The following ICA1L variants were observed in gnomAD, a reference collection of about 807,000 sequenced individuals.
ICA1L encodes islet cell autoantigen 1-like protein.
Under a neutral mutation model 61.3 loss-of-function variants are expected in ICA1L, and 50 were observed. The ratio of observed to expected loss-of-function variants is 0.82; its 90% CI spans 0.65 to 1.03. ICA1L has a LOEUF of 1.03. Ranked by LOEUF, ICA1L falls within the 50% of genes least tolerant of loss-of-function variation. The pLI is 0.00. For synonymous variants in ICA1L, 161 were observed against 191.3 expected (o/e 0.84, Z 1.31); for missense variants, 508 against 556.7 (o/e 0.91, Z 0.88).
chr2:202,838,585 T>C (rs1258092038), intron 1 of ICA1L, among the ~76,000 whole-genome samples: 2 of 152,240 alleles, frequency 1.3e-5, no homozygotes, highest in Non-Finnish European at 2.9e-5. Context: ...TTGCTTTATA[T>C]ATTTAGGAAC....
chr2:202,783,570 G>A (rs573076349), intron 12 of ICA1L, among the ~76,000 whole-genome samples: 2 of 152,262 alleles, frequency 1.3e-5, no homozygotes, highest in South Asian at 4.1e-4. Flanking sequence ...AAATGTCAAG[G>A]TCATGAGACA....
intron 5 of ICA1L, among the ~76,000 whole-genome samples, chr2:202,818,452 G>A (rs1693603999): frequency 6.6e-6 from 1 of 152,176 alleles, no homozygotes; most frequent in South Asian, 2.1e-4. Context: ...CGTGGTTGTG[G>A]AGGGACCAGG....
chr2:202,825,204 C>T (rs1693806933), intron 3 of ICA1L, among the ~76,000 whole-genome samples: 1 of 152,192 alleles, frequency 6.6e-6, no homozygotes, highest in Admixed American at 6.5e-5. Context: ...CATGGTGACT[C>T]ACACCTGTAA....
At chr2:202,863,745 T>C (rs765033681) in intron 1 of ICA1L, among the ~76,000 whole-genome samples, 9 of 148,796 alleles carry the variant, frequency 6.0e-5, no homozygotes, top group Non-Finnish European at 1.0e-4. Flanking sequence ...GAGAATGGCA[T>C]GAACCCGGGA....
In ICA1L at chr2:202,825,903, G is replaced by T. The variant is rs1263645249; in HGVS notation, c.163-136C>A. On this transcript the variant is annotated intron_variant, in intron 2 of 12. Transcript: ENST00000358299. ...CATTATGTCTATTTTTCTTGGCTAT[G>T]ACATGCTTCAGTTTTGGTTTTACTT... 7 of 515,084 alleles carry T rather than the reference G, an allele frequency of 1.4e-5. No individual in the cohort carries two copies. In the East Asian group the frequency reaches 2.1e-4, roughly 15 times the overall value. 31.9% of individuals were successfully genotyped at this position (515,084 alleles called of 1,614,324 possible). A position where few individuals can be genotyped will look rare whatever the true frequency, so the allele number is the denominator to read the frequency against.
chr2:202,798,888 G>A (rs1318576690), intron 9 of ICA1L, among the ~76,000 whole-genome samples: 1 of 152,054 alleles, frequency 6.6e-6, no homozygotes. Flanking sequence ...GTCTTTTTGT[G>A]CCTGGCTTAT....
intron 9 of ICA1L, among the ~76,000 whole-genome samples, chr2:202,799,407 T>C (rs1007841823): frequency 3.3e-5 from 5 of 152,184 alleles, no homozygotes; most frequent in African/African-American, 7.2e-5. Context: ...CTATTGACCA[T>C]TGGTATGTCT....
chr2:202,868,462 A>G (rs1687588690), intron 1 of ICA1L, among the ~76,000 whole-genome samples: 1 of 152,202 alleles, frequency 6.6e-6, no homozygotes, highest in Admixed American at 6.5e-5. Context: ...TAGCAATTCC[A>G]CCGCTAGGTA....
chr2:202,834,658 C>A (rs528527004), intron 1 of ICA1L, among the ~76,000 whole-genome samples: 1 of 152,148 alleles, frequency 6.6e-6, no homozygotes, highest in East Asian at 1.9e-4. Context: ...CCCTACCACA[C>A]ACAGACAACA....
intron 1 of ICA1L, among the ~76,000 whole-genome samples, chr2:202,846,133 T>TAAAC: frequency 6.6e-6 from 1 of 152,352 alleles, no homozygotes; most frequent in South Asian, 2.1e-4. Context: ...TTCTGATAGT[T>TAAAC]TTCTGCAGCA....
rs534162257 is a variant in ICA1L, at chr2:202,793,355, G to A, written c.985+3535C>T. On this transcript the variant is annotated intron_variant, in intron 10 of 12. Transcript: ENST00000358299. Reference sequence around the variant, plus strand: ...GCATTAGACCTAGATGTTTTCATAGGTTAAGAAATGAATAAGAGGCCGGGC... The same window carrying A: ...GCATTAGACCTAGATGTTTTCATAGATTAAGAAATGAATAAGAGGCCGGGC... 2.5e-4 allele frequency among the ~76,000 whole-genome samples: 38 copies of A among 151,800 alleles called. No homozygotes were observed. In the Middle Eastern group the frequency reaches 0.014, roughly 54 times the overall value.
chr2:202,798,284 A>G (rs973612216), intron 9 of ICA1L, among the ~76,000 whole-genome samples: 5 of 152,060 alleles, frequency 3.3e-5, no homozygotes, highest in Non-Finnish European at 5.9e-5. Context: ...ATGGAGTGCA[A>G]TGGTGTGATC....
intron 12 of ICA1L, among the ~76,000 whole-genome samples, chr2:202,782,415 T>G (rs1278894515): frequency 2.0e-5 from 3 of 151,160 alleles, no homozygotes; most frequent in South Asian, 2.1e-4. Flanking sequence ...TGTTTTTGGT[T>G]TTTTTTTTTT....
At chr2:202,868,040 G>C (rs539554976) in intron 1 of ICA1L, among the ~76,000 whole-genome samples, 1 of 152,230 alleles carries the variant, frequency 6.6e-6, no homozygotes, top group Non-Finnish European at 1.5e-5. Flanking sequence ...TGAGTAAGGG[G>C]TGTTTTTATG....
chr2:202,812,495 T>A (rs1693406376), intron 8 of ICA1L, among the ~76,000 whole-genome samples: 1 of 151,994 alleles, frequency 6.6e-6, no homozygotes, highest in African/African-American at 2.4e-5. Context: ...GAGAATCACT[T>A]GAACCTGGGA....
chr2:202,830,785 C>T (rs1693996571), intron 1 of ICA1L, among the ~76,000 whole-genome samples: 1 of 151,902 alleles, frequency 6.6e-6, no homozygotes, highest in Non-Finnish European at 1.5e-5. Context: ...TTAGCAAAAG[C>T]AAAAGACCGA....
chr2:202,795,141 G>A (rs1211824922), intron 10 of ICA1L, among the ~76,000 whole-genome samples: 19 of 136,144 alleles, frequency 1.4e-4, no homozygotes, highest in East Asian at 4.4e-4. Flanking sequence ...ACAGGCATGC[G>A]CCACCATGCC....
chr2:202,819,472 G>C (rs780973547), intron 5 of ICA1L: 12 of 501,290 alleles, frequency 2.4e-5, no homozygotes, highest in Admixed American at 1.4e-4. Flanking sequence ...TCTATCATGA[G>C]ACAGATTAAA....
In ICA1L at chr2:202,819,710, C is replaced by G; in HGVS notation, c.549G>C (p.Lys183Asn). ...LDPDTLKQMEKFRKVQMQVRN... is the reference protein window; with the variant it reads ...LDPDTLKQMENFRKVQMQVRN... ...GGATACGTTTTCATACTTTTCTAAA[C>G]TTTTCCATTTGCTTTAAGGTGTCTG... The change falls in exon 5 of 13, where the codon AAG (lysine) becomes AAC (asparagine). Residue 183 changes from lysine (K) to asparagine (N), a missense_variant. Coordinates refer to ENST00000358299, the MANE Select transcript of ICA1L (RefSeq NM_001288622.3). 1 of 1,613,460 alleles carries G rather than the reference C, an allele frequency of 6.2e-7. No homozygotes were observed. Among genetic ancestry groups the G allele is most frequent in the Non-Finnish European group, 8.5e-7 (1 of 1,179,376 alleles).
Sources: allele counts gnomAD v4.1 joint callset (sites outside exome capture counted in the v4.1 genomes callset), GRCh38; gene constraint gnomAD v4.1.1; transcripts MANE v1.5; gene names NCBI Gene and HGNC (gene_info 2026-07-23, HGNC 2026-07-21).